Variants in OCA2 observed in about 807,000 individuals in gnomAD.
The protein encoded by OCA2 is P protein.
A neutral mutation model predicts 100.2 loss-of-function variants in OCA2; 77 were observed. The observed-to-expected ratio is 0.77, with a 90% CI of 0.64 to 0.93. OCA2 has a LOEUF of 0.93. OCA2 is among the 40% of genes least tolerant of loss of function. The pLI, the probability that OCA2 is intolerant of heterozygous loss-of-function variation, is 0.00. For synonymous variants in OCA2, 432 were observed against 439.2 expected (o/e 0.98, Z 0.21); for missense variants, 1,062 against 1,089.1 (o/e 0.98, Z 0.35).
intron 14 of OCA2, among the ~76,000 whole-genome samples, chr15:27,969,239 A>G (rs2040687300): frequency 1.3e-5 from 2 of 152,170 alleles, no homozygotes; most frequent in Non-Finnish European, 2.9e-5. Flanking sequence ...AGAAAAAAAA[A>G]AAAGTAAGGA....
intron 21 of OCA2, among the ~76,000 whole-genome samples, chr15:27,863,934 ATCT>A (rs912453487): frequency 1.3e-5 from 2 of 152,098 alleles, no homozygotes; most frequent in African/African-American, 4.8e-5. Flanking sequence ...ACAGTGGATA[ATCT>A]TCTCTCACAC....
rs186576123 is a variant in OCA2 at position 27,853,775 on chromosome 15, G to A, written c.2245-2300C>T. Among the ~76,000 whole-genome samples the A allele has an allele frequency of 3.2e-3, 481 of 152,138 alleles. 3 individuals carry two copies. The highest frequency in any genetic ancestry group is 0.011 in the African/African-American group (437 of 41,526). On this transcript the variant is annotated intron_variant, in intron 21 of 23. Coordinates refer to ENST00000354638, the MANE Select transcript of OCA2 (RefSeq NM_000275.3). ...GAGAGACCCCTGGGCCCGCCATCCC[G>A]GGCAGTTGCGTATGTCAACCACTCT...
intron 23 of OCA2, among the ~76,000 whole-genome samples, chr15:27,790,358 C>T (rs1409382473): frequency 5.9e-5 from 9 of 152,198 alleles, no homozygotes; most frequent in Non-Finnish European, 1.5e-5. Flanking sequence ...ACTACCTGGC[C>T]TCACAGCCCC....
At chr15:27,763,648 G>C (rs562579906) in intron 23 of OCA2, among the ~76,000 whole-genome samples, 2 of 152,196 alleles carry the variant, frequency 1.3e-5, no homozygotes, top group Non-Finnish European at 2.9e-5. Context: ...GGCCCTTCCT[G>C]TGGGGAGACA....
chr15:27,948,550 C>T (rs1390731589), intron 18 of OCA2, among the ~76,000 whole-genome samples: 1 of 152,172 alleles, frequency 6.6e-6, no homozygotes, highest in African/African-American at 2.4e-5. Context: ...ACTACAACCT[C>T]CACCTCCCAG....
At chr15:27,858,071 A>G (rs112531581) in intron 21 of OCA2, among the ~76,000 whole-genome samples, 139 of 152,316 alleles carry the variant, frequency 9.1e-4, no homozygotes, top group African/African-American at 3.3e-3. Context: ...AATCTAAGAT[A>G]TGCAGAAAAG....
chr15:27,784,036 C>T (rs2032680507), intron 23 of OCA2, among the ~76,000 whole-genome samples: 1 of 152,216 alleles, frequency 6.6e-6, no homozygotes, highest in African/African-American at 2.4e-5. Flanking sequence ...GACACAACAC[C>T]AGCCTAAGGC....
chr15:27,923,418 G>C (rs1404652146), intron 19 of OCA2, among the ~76,000 whole-genome samples: 2 of 152,054 alleles, frequency 1.3e-5, no homozygotes, highest in Non-Finnish European at 2.9e-5. Flanking sequence ...TAGCTCTTTA[G>C]CTCTTTAAGG....
intron 5 of OCA2, 67 bp from the exon 6 acceptor site, chr15:28,022,640 G>T (rs999673731): frequency 8.2e-7 from 1 of 1,214,096 alleles, no homozygotes; most frequent in Non-Finnish European, 1.2e-6. Context: ...AAATCATTTT[G>T]ATAACAGTCG....
At chr15:27,746,543 C>G in the OCA2 span, among the ~76,000 whole-genome samples, 1 of 152,118 alleles carries the variant, frequency 6.6e-6, no homozygotes, top group Non-Finnish European at 1.5e-5. Flanking sequence ...AAAAACAATC[C>G]TTGTTCCAAA....
At chr15:27,973,665 A>C (rs925666471) in intron 14 of OCA2, among the ~76,000 whole-genome samples, 4 of 152,128 alleles carry the variant, frequency 2.6e-5, no homozygotes, top group African/African-American at 4.8e-5. Flanking sequence ...GCGGCTATTC[A>C]GGCTCTTTTT....
At chr15:28,036,033 A>G (rs1298731001) in intron 2 of OCA2, among the ~76,000 whole-genome samples, 1 of 152,222 alleles carries the variant, frequency 6.6e-6, no homozygotes, top group Non-Finnish European at 1.5e-5. Flanking sequence ...TCACGTATAC[A>G]AATTGCCTTG....
At chr15:27,829,954 A>G (rs1011599655) in intron 23 of OCA2, among the ~76,000 whole-genome samples, 3 of 152,262 alleles carry the variant, frequency 2.0e-5, no homozygotes, top group African/African-American at 2.4e-5. Context: ...AAAGAATACT[A>G]TAAAGCAAAG....
chr15:27,975,699 T>G (rs145418117), intron 14 of OCA2, among the ~76,000 whole-genome samples: 6 of 152,332 alleles, frequency 3.9e-5, no homozygotes, highest in South Asian at 2.1e-4. Flanking sequence ...TTATAATAAA[T>G]CTTGGTGTCA....
intron 18 of OCA2, among the ~76,000 whole-genome samples, chr15:27,933,286 C>G (rs1272611633): frequency 7.0e-6 from 1 of 142,262 alleles, no homozygotes; most frequent in Non-Finnish European, 1.5e-5. Flanking sequence ...TAGGCTATGA[C>G]AGCAAAAGTG....
chr15:28,032,792 CA>C (rs34369918), intron 2 of OCA2, among the ~76,000 whole-genome samples: 39,867 of 107,386 alleles, frequency 0.37, 6,900 homozygotes, highest in East Asian at 0.8. Flanking sequence ...GACTCTGTCT[CA>C]AAAAAAAAAA....
At chr15:27,883,267 T>C (rs1319991298) in intron 19 of OCA2, among the ~76,000 whole-genome samples, 1 of 151,778 alleles carries the variant, frequency 6.6e-6, no homozygotes, top group Non-Finnish European at 1.5e-5. Context: ...CCCGAGAGGG[T>C]CCCTTCTCCA....
intron 23 of OCA2, among the ~76,000 whole-genome samples, chr15:27,777,689 G>A (rs959304425): frequency 5.3e-5 from 8 of 152,248 alleles, no homozygotes; most frequent in East Asian, 1.9e-4. Context: ...AGTCAAGCTC[G>A]AAACTCTAGC....
At chr15:27,793,387 T>C (rs2033176241) in intron 23 of OCA2, among the ~76,000 whole-genome samples, 1 of 146,436 alleles carries the variant, frequency 6.8e-6, no homozygotes, top group Non-Finnish European at 1.5e-5. Context: ...GGTAAAACAA[T>C]GAGCAGGACT....
Sources: gnomAD v4.1 joint callset for allele counts (sites outside exome capture counted in the v4.1 genomes callset) on GRCh38, gnomAD v4.1.1 for gene constraint, MANE v1.5 for transcripts, NCBI Gene and HGNC (gene_info 2026-07-23, HGNC 2026-07-21) for gene names.